USP34: variants seen among roughly 807,000 people sequenced by gnomAD.
USP34 encodes the protein ubiquitin specific peptidase 34.
A neutral mutation model predicts 460.3 loss-of-function variants in USP34; 70 were observed. The ratio of observed to expected loss-of-function variants is 0.15; its 90% confidence interval spans 0.13 to 0.19. The LOEUF (loss-of-function observed/expected upper bound fraction) is 0.19, where lower values mean the gene tolerates loss of function less well. Among genes scored for constraint, USP34 ranks in the 10% least tolerant of loss-of-function variants. USP34 has a pLI of 1.00. For synonymous variants in USP34, 1,647 were observed against 1,405.3 expected (o/e 1.17, Z -3.85); for missense variants, 3,985 against 4,236.2 (o/e 0.94, Z 1.65).
chr2:61,443,723 A>C (rs1695032987), intron 1 of USP34, among the ~76,000 whole-genome samples: 2 of 152,196 alleles, frequency 1.3e-5, no homozygotes, highest in Non-Finnish European at 1.5e-5. Context: ...TAGTGAAACT[A>C]CTTTGTACGA....
chr2:61,313,654 T>C (rs555424150), intron 25 of USP34, among the ~76,000 whole-genome samples: 1 of 152,268 alleles, frequency 6.6e-6, no homozygotes, highest in South Asian at 2.1e-4. Flanking sequence ...CAGTAAGAAG[T>C]TTCTGTGTAA....
chr2:61,445,222 TAAAAAAAAA>T (rs57854651), intron 1 of USP34, among the ~76,000 whole-genome samples: 2 of 40,656 alleles, frequency 4.9e-5, no homozygotes, highest in African/African-American at 1.1e-4. Flanking sequence ...AGAACCACAC[TAAAAAAAAA>T]AAAAAAAAAA....
At chr2:61,333,762 C>T (rs1691339447) in intron 19 of USP34, 120 bp downstream of exon 19, 1 of 561,516 alleles carries the variant, frequency 1.8e-6, no homozygotes, top group Non-Finnish European at 2.8e-6. Flanking sequence ...GAAAACAAAC[C>T]ACATGAAACT....
chr2:61,311,431 A>G, intron 27 of USP34, 109 bp downstream of exon 27: 1 of 1,202,960 alleles, frequency 8.3e-7, no homozygotes, highest in Non-Finnish European at 1.1e-6. Context: ...ATAACCAAGA[A>G]AGAAAAGAAA....
chr2:61,208,072 T>C (rs138687313), intron 70 of USP34: 8 of 152,442 alleles, frequency 5.2e-5, no homozygotes, highest in African/African-American at 1.4e-4. Flanking sequence ...AACCCTGTAA[T>C]AGTCCTTCTG....
intron 3 of USP34, among the ~76,000 whole-genome samples, chr2:61,399,960 A>T (rs1222475495): frequency 6.7e-6 from 1 of 150,308 alleles, no homozygotes; most frequent in Non-Finnish European, 1.5e-5. Flanking sequence ...TAATAAACTT[A>T]TCAATGATTT....
intron 3 of USP34, among the ~76,000 whole-genome samples, chr2:61,401,149 CAAAAA>C (rs60805364): frequency 1.9e-5 from 2 of 104,844 alleles, no homozygotes; most frequent in Non-Finnish European, 3.7e-5. Context: ...GACTCTGTCT[CAAAAA>C]AAAAAAAAAA....
Position 61,214,703 on chromosome 2 carries a change from T to C in USP34, c.8048-9A>G. 1 of 1,612,436 alleles carries C rather than the reference T, an allele frequency of 6.2e-7. No homozygotes were observed. Among genetic ancestry groups the C allele is most frequent in the South Asian group, 1.1e-5 (1 of 90,714 alleles). On this transcript the variant is annotated splice_polypyrimidine_tract_variant and intron_variant, in intron 67 of 79. Transcript: ENST00000398571. Reference sequence around the variant, plus strand: ...CAGAAGATAAGCTGCAGCTATAAAATGTAAAACAAAACTGTCAGATCCTTG... The same window carrying C: ...CAGAAGATAAGCTGCAGCTATAAAACGTAAAACAAAACTGTCAGATCCTTG...
intron 3 of USP34, among the ~76,000 whole-genome samples, chr2:61,395,768 A>AGAAC (rs1693502005): frequency 7.7e-6 from 1 of 129,674 alleles, no homozygotes; most frequent in Non-Finnish European, 1.6e-5. Flanking sequence ...CCTGGGCGAC[A>AGAAC]GAACGAGACT....
In USP34 at chr2:61,350,709, A is replaced by ATG; in HGVS notation, c.1252-17_1252-16insCA. 6.2e-7 allele frequency: 1 copy of ATG among 1,603,850 alleles called. No individual in the cohort carries two copies. The highest frequency in any genetic ancestry group is 8.5e-7 in the Non-Finnish European group (1 of 1,176,982). On this transcript the variant is annotated splice_polypyrimidine_tract_variant and intron_variant, in intron 10 of 79. Transcript: ENST00000398571. ...AATGTTTCAACTAGAAAATCAAGTTAGAGAGAATGGTCAAAAATAATTGCC... is the reference window on the plus strand; with the variant it reads ...AATGTTTCAACTAGAAAATCAAGTTATGGAGAGAATGGTCAAAAATAATTGCC...
Position 61,339,488 on chromosome 2 carries a change from AT to A in USP34, c.2617-11del. On this transcript the variant is annotated splice_polypyrimidine_tract_variant and intron_variant, in intron 17 of 79. Coordinates refer to ENST00000398571, the MANE Select transcript of USP34 (RefSeq NM_014709.4). ...CTTCAGAAAGATTAACCTATAAAAAATGTATATAAAATTACTATTTATCCTA... is the reference window on the plus strand; with the variant it reads ...CTTCAGAAAGATTAACCTATAAAAAAGTATATAAAATTACTATTTATCCTA... The A allele has an allele frequency of 6.4e-7, 1 of 1,563,256 alleles. No homozygotes were observed. Among genetic ancestry groups the A allele is most frequent in the Non-Finnish European group, 8.6e-7 (1 of 1,157,396 alleles).
chr2:61,258,105 G>GCA (rs2103898337), intron 44 of USP34, among the ~76,000 whole-genome samples: 1 of 152,280 alleles, frequency 6.6e-6, no homozygotes, highest in Non-Finnish European at 1.5e-5. Context: ...TGTGATCCCA[G>GCA]CACTTTGGGA....
At chr2:61,435,177 T>G (rs1694777853) in intron 1 of USP34, among the ~76,000 whole-genome samples, 1 of 151,520 alleles carries the variant, frequency 6.6e-6, no homozygotes. Flanking sequence ...TGGTGGTGAA[T>G]GCTTATAGTC....
chr2:61,443,605 G>A (rs1017386577), intron 1 of USP34, among the ~76,000 whole-genome samples: 1 of 152,096 alleles, frequency 6.6e-6, no homozygotes, highest in South Asian at 2.1e-4. Flanking sequence ...TTTCAACTAT[G>A]TGATGTAGTA....
chr2:61,195,840 G>A (rs753668435), intron 75 of USP34, among the ~76,000 whole-genome samples: 4 of 152,064 alleles, frequency 2.6e-5, no homozygotes, highest in Non-Finnish European at 5.9e-5. Flanking sequence ...TGGGCAAGCA[G>A]ACTGTATACT....
chr2:61,381,952 A>AG (rs576568541), intron 6 of USP34, among the ~76,000 whole-genome samples: 1 of 152,032 alleles, frequency 6.6e-6, no homozygotes, highest in African/African-American at 2.4e-5. Flanking sequence ...AAAATTGAGG[A>AG]GGGGGGGTGC....
chr2:61,429,461 G>T (rs1010632242), intron 1 of USP34, among the ~76,000 whole-genome samples: 1 of 151,918 alleles, frequency 6.6e-6, no homozygotes, highest in Non-Finnish European at 1.5e-5. Flanking sequence ...AATAAAATAA[G>T]ATAAAATAAA....
At chr2:61,369,479 C>T (rs930210968) in intron 10 of USP34, among the ~76,000 whole-genome samples, 8 of 151,796 alleles carry the variant, frequency 5.3e-5, no homozygotes, top group Non-Finnish European at 1.0e-4. Flanking sequence ...CTTATCTCTA[C>T]TAAAAATACA....
chr2:61,409,566 T>C (rs1693979551), intron 2 of USP34, among the ~76,000 whole-genome samples: 1 of 151,900 alleles, frequency 6.6e-6, no homozygotes, highest in Non-Finnish European at 1.5e-5. Flanking sequence ...ATACAAAAAT[T>C]AGCCAGCCAT....
Sources: allele counts gnomAD v4.1 joint callset (sites outside exome capture counted in the v4.1 genomes callset), GRCh38; gene constraint gnomAD v4.1.1; transcripts MANE v1.5; gene names NCBI Gene and HGNC (gene_info 2026-07-23, HGNC 2026-07-21).